The following GRK5 variants were observed in gnomAD, a reference collection of about 807,000 sequenced individuals.
GRK5 encodes the protein g protein-coupled receptor kinase GRK5.
Under a neutral mutation model 78.4 loss-of-function variants are expected in GRK5, and 40 were observed. The observed-to-expected ratio is 0.51, with a 90% CI of 0.40 to 0.66. The LOEUF (loss-of-function observed/expected upper bound fraction) is 0.66, where lower values mean the gene tolerates loss of function less well. Among genes scored for constraint, GRK5 ranks in the 30% least tolerant of loss-of-function variants. The pLI is 0.00. For missense variants in GRK5, 598 were observed against 759.9 expected (o/e 0.79, Z 2.50); for synonymous variants, 289 against 296.8 (o/e 0.97, Z 0.27).
chr10:119,447,634 T>C (rs1401690419), intron 12 of GRK5, among the ~76,000 whole-genome samples: 1 of 152,120 alleles, frequency 6.6e-6, no homozygotes, highest in African/African-American at 2.4e-5. Flanking sequence ...CTGTATCACC[T>C]TGATGCGTCC....
At chr10:119,254,021 G>A (rs1380099171) in intron 1 of GRK5, among the ~76,000 whole-genome samples, 1 of 152,186 alleles carries the variant, frequency 6.6e-6, no homozygotes, top group Non-Finnish European at 1.5e-5. Flanking sequence ...AGTCAACAGG[G>A]CTGATGTGTC....
intron 1 of GRK5, among the ~76,000 whole-genome samples, chr10:119,240,009 T>G (rs1419517978): frequency 6.6e-6 from 1 of 152,080 alleles, no homozygotes; most frequent in Non-Finnish European, 1.5e-5. Context: ...AGTAGAATAA[T>G]TTATAATCCT....
chr10:119,249,266 C>G (rs761142665), intron 1 of GRK5, among the ~76,000 whole-genome samples: 3 of 150,892 alleles, frequency 2.0e-5, no homozygotes, highest in Non-Finnish European at 4.4e-5. Flanking sequence ...AGCGAAACTT[C>G]GTCTCAAAAA....
chr10:119,270,256 A>T (rs1318571159), intron 1 of GRK5, among the ~76,000 whole-genome samples: 1 of 152,260 alleles, frequency 6.6e-6, no homozygotes, highest in Non-Finnish European at 1.5e-5. Context: ...ATTGATGTCC[A>T]GTCAGCCTTC....
intron 13 of GRK5, 59 bp downstream of exon 13, chr10:119,448,319 C>A (rs1037155336): frequency 1.3e-6 from 2 of 1,528,140 alleles, no homozygotes; most frequent in African/African-American, 2.9e-5. Flanking sequence ...GGGCTGCCCC[C>A]GAGTGCTGCC....
At chr10:119,241,351 A>G (rs1441011936) in intron 1 of GRK5, among the ~76,000 whole-genome samples, 1 of 152,240 alleles carries the variant, frequency 6.6e-6, no homozygotes, top group African/African-American at 2.4e-5. Context: ...TCAGGGATGC[A>G]TGCCAGATGG....
chr10:119,248,963 T>C (rs922628121), intron 1 of GRK5, among the ~76,000 whole-genome samples: 5 of 152,176 alleles, frequency 3.3e-5, no homozygotes, highest in Non-Finnish European at 5.9e-5. Context: ...GTCTCAACTT[T>C]CTTTTCTTTA....
At chr10:119,332,033 T>TA (rs1390418397) in intron 2 of GRK5, among the ~76,000 whole-genome samples, 2 of 152,116 alleles carry the variant, frequency 1.3e-5, no homozygotes, top group Admixed American at 6.5e-5. Flanking sequence ...AAATTTATGA[T>TA]ACAGAAATAT....
At chr10:119,450,971 C>T (rs1344237442) in intron 13 of GRK5, among the ~76,000 whole-genome samples, 3 of 127,166 alleles carry the variant, frequency 2.4e-5, no homozygotes, top group Non-Finnish European at 3.4e-5. Flanking sequence ...CAGCCCCCCA[C>T]AGTCATCCCG....
intron 1 of GRK5, among the ~76,000 whole-genome samples, chr10:119,305,582 T>C (rs1388533757): frequency 6.6e-6 from 1 of 151,990 alleles, no homozygotes; most frequent in Non-Finnish European, 1.5e-5. Flanking sequence ...GGGTATGACT[T>C]GGATTGATTG....
chr10:119,454,443 C>G (rs1055682957), intron 15 of GRK5, among the ~76,000 whole-genome samples: 1 of 152,210 alleles, frequency 6.6e-6, no homozygotes, highest in African/African-American at 2.4e-5. Flanking sequence ...TTGCCTCCCT[C>G]CTCCTCCCCT....
chr10:119,429,015 G>A (rs917331682), intron 6 of GRK5, among the ~76,000 whole-genome samples: 4 of 152,254 alleles, frequency 2.6e-5, no homozygotes, highest in Admixed American at 2.6e-4. Context: ...GGGGGCGGCT[G>A]TAGGGAAGGC....
At chr10:119,417,637 C>A (rs988979707) in intron 4 of GRK5, among the ~76,000 whole-genome samples, 4 of 127,836 alleles carry the variant, frequency 3.1e-5, no homozygotes, top group Admixed American at 3.1e-4. Context: ...CCACACCATG[C>A]CTGAATATCC....
intron 1 of GRK5, among the ~76,000 whole-genome samples, chr10:119,325,476 A>T (rs1023084276): frequency 1.3e-5 from 2 of 152,044 alleles, no homozygotes; most frequent in Non-Finnish European, 2.9e-5. Flanking sequence ...GGGGCTGCAT[A>T]CCCACCCGGA....
At position 119,453,138 on chromosome 10, in the gene GRK5, C is replaced by T. The variant is rs749800433; in HGVS notation, c.1543-7C>T. On this transcript the variant is annotated splice_polypyrimidine_tract_variant and splice_region_variant and intron_variant, in intron 14 of 15. Coordinates refer to ENST00000392870, the MANE Select transcript of GRK5 (RefSeq NM_005308.3). ...CGGCCTGTGTTTTGTTTTCACGGCCCCTCCAGATGATAGAAACAGAATGCT... is the reference window on the plus strand; with the variant it reads ...CGGCCTGTGTTTTGTTTTCACGGCCTCTCCAGATGATAGAAACAGAATGCT... 5 of 1,512,454 alleles carry T rather than the reference C, an allele frequency of 3.3e-6. No homozygotes were observed. The South Asian group carries it at 5.6e-5, about 17-fold the overall frequency. The allele number at this position is 1,512,454 out of a possible 1,614,324, so 93.7% of individuals were successfully genotyped here.
rs570215212 is a variant in GRK5, at chr10:119,410,561, T to G, written c.340-12605T>G. On this transcript the variant is annotated intron_variant, in intron 4 of 15. Coordinates refer to ENST00000392870, the MANE Select transcript of GRK5 (RefSeq NM_005308.3). ...GGGGCTGGAACCACCCCCGACGCTT[T>G]GCAGCCCCAAGGCAAGGCTTGCTCC... 1.2e-4 allele frequency among the ~76,000 whole-genome samples: 19 copies of G among 152,302 alleles called. No individual in the cohort carries two copies. The South Asian group carries it at 3.5e-3, about 28-fold the overall frequency.
At position 119,404,725 on chromosome 10, in the gene GRK5, G is replaced by A. The variant is rs75001680; in HGVS notation, c.339+7953G>A. The stretch of plus-strand genomic sequence containing the variant: ...TGCCTGTTGGAAAGATCAGGGCCAG[G>A]GGGCCAGGCCTGGTCCTTCATGGAC... On this transcript the variant is annotated intron_variant, in intron 4 of 15. Transcript: ENST00000392870. Among the ~76,000 whole-genome samples the A allele has an allele frequency of 1.1e-3, 164 of 152,320 alleles. 2 individuals carry two copies. The highest frequency in any genetic ancestry group is 3.7e-3 in the African/African-American group (153 of 41,576).
chr10:119,313,092 GTGGTGA>G (rs1564887109), intron 1 of GRK5, among the ~76,000 whole-genome samples: 1 of 147,916 alleles, frequency 6.8e-6, no homozygotes, highest in Admixed American at 6.7e-5. Context: ...GGTGGTGATG[GTGGTGA>G]TGGTAATGAT....
chr10:119,441,374 C>T (rs1045125666), intron 10 of GRK5, among the ~76,000 whole-genome samples: 3 of 152,164 alleles, frequency 2.0e-5, no homozygotes, highest in Admixed American at 6.5e-5. Flanking sequence ...AAGTTGTGGC[C>T]GCGACCCTGC....
Sources: allele counts gnomAD v4.1 joint callset (sites outside exome capture counted in the v4.1 genomes callset), GRCh38; gene constraint gnomAD v4.1.1; transcripts MANE v1.5; gene names NCBI Gene and HGNC (gene_info 2026-07-23, HGNC 2026-07-21).